The following FARP1 variants were observed in gnomAD, a reference collection of about 807,000 sequenced individuals.
FARP1 encodes the protein FERM, ARHGEF and pleckstrin domain-containing protein 1.
In FARP1, 52 loss-of-function variants were observed where a neutral mutation model predicts 128.8. That is an observed-to-expected ratio of 0.40 (90% CI 0.32 to 0.51). The LOEUF is 0.51. Ranked by LOEUF, FARP1 falls within the 20% of genes least tolerant of loss-of-function variation. The pLI, the probability that FARP1 is intolerant of heterozygous loss-of-function variation, is 0.45. For synonymous variants in FARP1, 580 were observed against 551.8 expected, an observed-to-expected ratio of 1.05 and a Z score of -0.72; for missense variants, 1,333 against 1,367.9, an observed-to-expected ratio of 0.97 and a Z score of 0.40.
rs760803742 is a variant in FARP1 at position 98,393,678 on chromosome 13, C to T, written c.1124C>T (p.Ala375Val). The T allele has an allele frequency of 1.2e-6, 2 of 1,614,116 alleles. No individual in the cohort carries two copies. Among genetic ancestry groups the T allele is most frequent in the African/African-American group, 1.3e-5 (1 of 75,060 alleles). ...AAGATTCATTCTATCCGGAGCCTTGCTTCACAGCCTACAGAACTGAATTCG... is the reference window on the plus strand; with the variant it reads ...AAGATTCATTCTATCCGGAGCCTTGTTTCACAGCCTACAGAACTGAATTCG... ...HSKIHSIRSL[A>V]SQPTELNSEV... is the part of the protein sequence containing the mutation. The change falls in exon 12 of 27, where the codon GCT (alanine) becomes GTT (valine). Residue 375 changes from alanine to valine, a missense_variant. This residue lies in a region of FARP1 where 1,009 missense variants were observed against 969.8 expected (regional missense o/e 1.04). Coordinates refer to ENST00000319562, the MANE Select transcript of FARP1 (RefSeq NM_005766.4).
chr13:98,143,721 G>A (rs1287334966), intron 1 of FARP1, among the ~76,000 whole-genome samples: 2 of 149,292 alleles, frequency 1.3e-5, no homozygotes, highest in African/African-American at 5.0e-5. Flanking sequence ...GGGGCTCCGG[G>A]CTGCCCCCTG....
At position 98,177,464 on chromosome 13, in the gene FARP1, T is replaced by C. The variant is rs569410847; in HGVS notation, c.-24+33972T>C. Among the ~76,000 whole-genome samples the C allele has an allele frequency of 7.4e-5, 11 of 149,004 alleles. No individual in the cohort carries two copies. The South Asian group carries it at 2.2e-3, about 30-fold the overall frequency. On this transcript the variant is annotated intron_variant, in intron 1 of 26. Transcript: ENST00000319562. ...CAGTTTAAGACCAGCCTGGCCAACA[T>C]AGCGAAACTCCATCCTTACTAAAAA...
At chr13:98,152,853 GCAACTGAGTCTA>G (rs1876111946) in intron 1 of FARP1, among the ~76,000 whole-genome samples, 1 of 152,102 alleles carries the variant, frequency 6.6e-6, no homozygotes, top group African/African-American at 2.4e-5. Flanking sequence ...TGCAAGTCGT[GCAACTGAGTCTA>G]CATGAATTTC....
At position 98,230,548 on chromosome 13, in the gene FARP1, G is replaced by T. The variant is rs562893156; in HGVS notation, c.171+17135G>T. Reference sequence around the variant, plus strand: ...ATGTCAGCAGAGAAGTGGGCTTGTTGTGAGGTCCCTGGGCAGCTCACCATG... The same window carrying T: ...ATGTCAGCAGAGAAGTGGGCTTGTTTTGAGGTCCCTGGGCAGCTCACCATG... On this transcript the variant is annotated intron_variant, in intron 2 of 26. Coordinates refer to ENST00000319562, the MANE Select transcript of FARP1 (RefSeq NM_005766.4). 9.3e-4 allele frequency among the ~76,000 whole-genome samples: 141 copies of T among 152,314 alleles called. 1 individual carries two copies. Among genetic ancestry groups the T allele is most frequent in the African/African-American group, 3.3e-3 (137 of 41,576 alleles).
intron 3 of FARP1, among the ~76,000 whole-genome samples, chr13:98,353,954 G>A (rs372751680): frequency 6.6e-6 from 1 of 152,186 alleles, no homozygotes; most frequent in African/African-American, 2.4e-5. Context: ...TTAAACAAAT[G>A]ATTTAAAAAT....
intron 17 of FARP1, among the ~76,000 whole-genome samples, chr13:98,427,676 C>T (rs893636356): frequency 6.6e-6 from 1 of 152,214 alleles, no homozygotes; most frequent in African/African-American, 2.4e-5. Context: ...CCTAACCCAG[C>T]GCAGAAGACC....
intron 2 of FARP1, among the ~76,000 whole-genome samples, chr13:98,253,359 G>T (rs1348960575): frequency 2.6e-5 from 4 of 152,192 alleles, no homozygotes; most frequent in Non-Finnish European, 4.4e-5. Context: ...TGTTGCAGAG[G>T]ATTTTCCTGA....
At chr13:98,270,118 T>G (rs1447351571) in intron 2 of FARP1, among the ~76,000 whole-genome samples, 1 of 152,236 alleles carries the variant, frequency 6.6e-6, no homozygotes, top group East Asian at 1.9e-4. Flanking sequence ...AGAAATGCAG[T>G]ACATAAAATT....
At chr13:98,149,129 C>T (rs936753068) in intron 1 of FARP1, among the ~76,000 whole-genome samples, 2 of 152,172 alleles carry the variant, frequency 1.3e-5, no homozygotes, top group Non-Finnish European at 2.9e-5. Context: ...CTCAAGTGAT[C>T]CTCCTGCCTC....
Position 98,257,998 on chromosome 13 carries a change from G to A in FARP1, c.171+44585G>A, listed in dbSNP as rs1469131216. Among the ~76,000 whole-genome samples, 3 of 151,962 alleles carry A rather than the reference G, an allele frequency of 2.0e-5. No homozygotes were observed. The East Asian group carries it at 5.8e-4, about 29-fold the overall frequency. On this transcript the variant is annotated intron_variant, in intron 2 of 26. Transcript: ENST00000319562. ...TATATATAATTTTTTTTTTGAGATG[G>A]AGTCTCGCTCTGTTGCCCAGGCTAG...
At chr13:98,395,851 C>T (rs1229562565) in intron 13 of FARP1, 7 of 400,466 alleles carry the variant, frequency 1.7e-5, no homozygotes, top group Non-Finnish European at 2.2e-5. Flanking sequence ...TGGTCACAGC[C>T]CCCTGGCCAC....
chr13:98,361,314 A>C (rs1888864288), intron 3 of FARP1, among the ~76,000 whole-genome samples: 1 of 152,172 alleles, frequency 6.6e-6, no homozygotes, highest in Non-Finnish European at 1.5e-5. Flanking sequence ...TGAATTACCC[A>C]GGCCCATCTT....
chr13:98,231,807 A>G (rs1444507319), intron 2 of FARP1, among the ~76,000 whole-genome samples: 1 of 152,044 alleles, frequency 6.6e-6, no homozygotes, highest in Non-Finnish European at 1.5e-5. Flanking sequence ...ATCCTCTTTA[A>G]AATTTGCCCT....
At chr13:98,332,552 G>A (rs1025004253) in intron 2 of FARP1, 3 of 152,184 alleles carry the variant, frequency 2.0e-5, no homozygotes, top group Non-Finnish European at 4.4e-5. Flanking sequence ...AAACTAAAGA[G>A]CTAAGAATTC....
chr13:98,178,222 G>GTC (rs1195491471), intron 1 of FARP1, among the ~76,000 whole-genome samples: 2 of 127,472 alleles, frequency 1.6e-5, no homozygotes, highest in African/African-American at 6.0e-5. Context: ...TTGAGAAAGA[G>GTC]TCTCGCTCTG....
intron 2 of FARP1, among the ~76,000 whole-genome samples, chr13:98,227,411 C>A (rs1881856995): frequency 6.7e-6 from 1 of 149,686 alleles, no homozygotes. Flanking sequence ...ATCAAAATCA[C>A]AGTGAGATAC....
At chr13:98,337,114 C>T (rs945638885) in intron 2 of FARP1, among the ~76,000 whole-genome samples, 1 of 152,148 alleles carries the variant, frequency 6.6e-6, no homozygotes, top group African/African-American at 2.4e-5. Context: ...CACCTATAAT[C>T]CTAGCACTTT....
At chr13:98,363,109 C>G (rs536990537) in intron 3 of FARP1, among the ~76,000 whole-genome samples, 3 of 152,212 alleles carry the variant, frequency 2.0e-5, no homozygotes, top group African/African-American at 7.2e-5. Context: ...TAATCATGTC[C>G]TCCCCATGGG....
At chr13:98,206,969 G>C (rs1880308289) in intron 1 of FARP1, among the ~76,000 whole-genome samples, 1 of 152,170 alleles carries the variant, frequency 6.6e-6, no homozygotes, top group African/African-American at 2.4e-5. Flanking sequence ...TTATACACTA[G>C]AGGCCTTTCG....
Sources: allele counts gnomAD v4.1 joint callset (sites outside exome capture counted in the v4.1 genomes callset), GRCh38; gene constraint gnomAD v4.1.1; regional missense constraint gnomAD v4.1.1; transcripts MANE v1.5; gene names NCBI Gene and HGNC (gene_info 2026-07-23, HGNC 2026-07-21).